Variants in RALYL observed in about 807,000 individuals in gnomAD.
RALYL encodes RALY RNA binding protein like.
In RALYL, 29 loss-of-function variants were observed where a neutral mutation model predicts 35.1. That is an observed-to-expected ratio of 0.83 (90% CI 0.61 to 1.13). The LOEUF (loss-of-function observed/expected upper bound fraction) is 1.13. Ranked by LOEUF, RALYL falls within the 50% of genes most tolerant of loss-of-function variation. RALYL has a pLI of 0.00. For synonymous variants in RALYL, 120 were observed against 127.6 expected, an observed-to-expected ratio of 0.94 and a Z score of 0.40; for missense variants, 359 against 360.4, an observed-to-expected ratio of 1.00 and a Z score of 0.03.
intron 4 of RALYL, among the ~76,000 whole-genome samples, chr8:84,821,082 G>T (rs1268977536): frequency 2.0e-5 from 3 of 152,096 alleles, no homozygotes; most frequent in Non-Finnish European, 2.9e-5. Flanking sequence ...TACTTGAAGA[G>T]AACTCATTTC....
chr8:84,869,377 A>G (rs985902478), intron 6 of RALYL, among the ~76,000 whole-genome samples: 1 of 102,080 alleles, frequency 9.8e-6, no homozygotes, highest in Non-Finnish European at 1.8e-5. Context: ...GGACATTCAA[A>G]TAATGTATAA....
chr8:84,831,036 G>T (rs957749309), intron 4 of RALYL, among the ~76,000 whole-genome samples: 23 of 151,994 alleles, frequency 1.5e-4, no homozygotes, highest in Non-Finnish European at 4.4e-5. Context: ...GAGAAAAATA[G>T]AGGAAAAGTA....
intron 2 of RALYL, among the ~76,000 whole-genome samples, chr8:84,649,458 T>C (rs1043082932): frequency 9.9e-5 from 15 of 151,892 alleles, no homozygotes; most frequent in Non-Finnish European, 1.8e-4. Context: ...AATTTTTGTA[T>C]AAGGTGTAAG....
At chr8:84,466,893 T>G (rs1001508304) in intron 1 of RALYL, among the ~76,000 whole-genome samples, 18 of 151,592 alleles carry the variant, frequency 1.2e-4, no homozygotes, top group African/African-American at 3.9e-4. Context: ...GTCGAGGAAT[T>G]TATCCATTTC....
At chr8:84,286,809 C>G (rs1243774096) in intron 1 of RALYL, among the ~76,000 whole-genome samples, 1 of 152,150 alleles carries the variant, frequency 6.6e-6, no homozygotes, top group African/African-American at 2.4e-5. Flanking sequence ...GTTCTGGCCT[C>G]TGGGTGTGAC....
intron 1 of RALYL, 68 bp from the exon 2 acceptor site, chr8:84,529,231 T>G: frequency 6.7e-7 from 1 of 1,501,840 alleles, no homozygotes; most frequent in Non-Finnish European, 9.0e-7. Context: ...AAAAAGCCAC[T>G]GATACCCATT....
chr8:84,250,967 C>G (rs1043177195), intron 1 of RALYL, among the ~76,000 whole-genome samples: 1 of 152,104 alleles, frequency 6.6e-6, no homozygotes, highest in Non-Finnish European at 1.5e-5. Context: ...TTTATTCCTT[C>G]TTGCACAGTT....
At chr8:84,277,298 C>T (rs1327163171) in intron 1 of RALYL, among the ~76,000 whole-genome samples, 1 of 152,180 alleles carries the variant, frequency 6.6e-6, no homozygotes, top group Non-Finnish European at 1.5e-5. Context: ...ATAAAACCAT[C>T]AGATCTTGTG....
intron 2 of RALYL, among the ~76,000 whole-genome samples, chr8:84,539,936 A>T (rs1239221560): frequency 3.4e-5 from 5 of 147,948 alleles, no homozygotes. Context: ...ACACACACAC[A>T]CATGCACATT....
chr8:84,405,316 A>T (rs2043357665), intron 1 of RALYL, among the ~76,000 whole-genome samples: 1 of 152,204 alleles, frequency 6.6e-6, no homozygotes, highest in Admixed American at 6.5e-5. Context: ...AAGCAAGAGT[A>T]AACAAATTCA....
Position 84,602,432 on chromosome 8 carries a change from C to T in RALYL, c.256+72855C>T, listed in dbSNP as rs7016126. 4.4e-3 allele frequency among the ~76,000 whole-genome samples: 665 copies of T among 152,170 alleles called. 4 individuals are homozygous for T. The highest frequency in any genetic ancestry group is 0.015 in the African/African-American group (632 of 41,522). ...CTTAGCCTAAGCTTTTGCAGTATTTCTCATCTGAATTACTGCAGTCAGACC... is the reference window on the plus strand; with the variant it reads ...CTTAGCCTAAGCTTTTGCAGTATTTTTCATCTGAATTACTGCAGTCAGACC... On this transcript the variant is annotated intron_variant, in intron 2 of 8. Coordinates refer to ENST00000521268, the MANE Select transcript of RALYL (RefSeq NM_173848.7).
At chr8:84,889,139 C>G (rs766444538) in intron 8 of RALYL, among the ~76,000 whole-genome samples, 2 of 152,052 alleles carry the variant, frequency 1.3e-5, no homozygotes, top group Non-Finnish European at 2.9e-5. Context: ...AACACAAGCA[C>G]CTGTTCTTAG....
intron 2 of RALYL, among the ~76,000 whole-genome samples, chr8:84,535,727 G>A (rs1344353483): frequency 1.3e-5 from 2 of 151,486 alleles, no homozygotes. Context: ...GCCCACCTCG[G>A]CCTCCCAAAG....
chr8:84,802,545 C>A (rs1823588014), intron 3 of RALYL, among the ~76,000 whole-genome samples: 1 of 151,878 alleles, frequency 6.6e-6, no homozygotes, highest in Non-Finnish European at 1.5e-5. Flanking sequence ...GGCAGTAGGA[C>A]AATATATGTC....
chr8:84,688,715 G>A (rs1837358823), intron 2 of RALYL, among the ~76,000 whole-genome samples: 1 of 152,062 alleles, frequency 6.6e-6, no homozygotes, highest in African/African-American at 2.4e-5. Flanking sequence ...AAGAGTAAAA[G>A]TAGAAAAATA....
At chr8:84,320,891 C>A (rs1031376013) in intron 1 of RALYL, among the ~76,000 whole-genome samples, 47 of 152,126 alleles carry the variant, frequency 3.1e-4, no homozygotes, top group African/African-American at 1.1e-3. Context: ...TTAGGACCAT[C>A]TAGGCATAAA....
intron 1 of RALYL, among the ~76,000 whole-genome samples, chr8:84,194,819 G>A (rs1814817420): frequency 6.6e-6 from 1 of 152,192 alleles, no homozygotes; most frequent in Admixed American, 6.5e-5. Context: ...TAATATTTAG[G>A]AGAAAAGAGA....
intron 1 of RALYL, among the ~76,000 whole-genome samples, chr8:84,487,944 G>C (rs537747208): frequency 6.6e-6 from 1 of 152,146 alleles, no homozygotes; most frequent in South Asian, 2.1e-4. Flanking sequence ...TAACATGACT[G>C]TGAAGTCAAC....
At chr8:84,535,961 A>G (rs141429358) in intron 2 of RALYL, among the ~76,000 whole-genome samples, 259 of 152,294 alleles carry the variant, frequency 1.7e-3, no homozygotes, top group African/African-American at 5.9e-3. Flanking sequence ...GTCTTAGGAT[A>G]AACTATATTA....
Sources: allele counts gnomAD v4.1 joint callset (sites outside exome capture counted in the v4.1 genomes callset), GRCh38; gene constraint gnomAD v4.1.1; transcripts MANE v1.5; gene names NCBI Gene and HGNC (gene_info 2026-07-23, HGNC 2026-07-21).